Variants in XIRP2 observed in about 807,000 individuals in gnomAD.
XIRP2 encodes the protein xin actin-binding repeat-containing protein 2.
In XIRP2, 236 loss-of-function variants were observed where a neutral mutation model predicts 277.0. That is an observed-to-expected ratio of 0.85 (90% CI 0.77 to 0.95). The LOEUF (loss-of-function observed/expected upper bound fraction) is 0.95, where lower values mean the gene tolerates loss of function less well. Among genes scored for constraint, XIRP2 ranks in the 40% least tolerant of loss-of-function variants. XIRP2 has a pLI of 0.00. For missense variants in XIRP2, 4,640 were observed against 4,157.5 expected (o/e 1.12, Z -3.19); for synonymous variants, 1,490 against 1,416.5 (o/e 1.05, Z -1.17).
rs151275390 is a variant in XIRP2, at chr2:167,190,078, G to A, written c.563-20657G>A. Among the ~76,000 whole-genome samples the A allele has an allele frequency of 3.3e-5, 5 of 152,286 alleles. No homozygotes were observed. In the East Asian group the frequency reaches 9.6e-4, roughly 29 times the overall value. On this transcript the variant is annotated intron_variant, in intron 3 of 10. Transcript: ENST00000409195. ...ACAGACAGATGGAAGAGATGCATAG[G>A]GCAAGGTATGGCATTAAAGGGCAGA...
chr2:167,230,515 C>T (rs574167783), intron 5 of XIRP2, among the ~76,000 whole-genome samples: 1 of 152,094 alleles, frequency 6.6e-6, no homozygotes, highest in South Asian at 2.1e-4. Flanking sequence ...ATGCTAAGTA[C>T]CTCACAAATG....
intron 5 of XIRP2, among the ~76,000 whole-genome samples, chr2:167,231,534 A>C (rs1694754537): frequency 6.6e-6 from 1 of 151,908 alleles, no homozygotes; most frequent in African/African-American, 2.4e-5. Flanking sequence ...CAGTGTTCAT[A>C]AATAATATTT....
chr2:166,914,336 T>G (rs1188442877), intron 2 of XIRP2, among the ~76,000 whole-genome samples: 1 of 152,124 alleles, frequency 6.6e-6, no homozygotes, highest in Non-Finnish European at 1.5e-5. Context: ...GTGCCATATT[T>G]TTTTTGTTTT....
At chr2:167,067,225 G>A (rs1247324842) in intron 2 of XIRP2, among the ~76,000 whole-genome samples, 1 of 151,450 alleles carries the variant, frequency 6.6e-6, no homozygotes, top group Admixed American at 6.6e-5. Context: ...ATTTATTTTG[G>A]TATTTTTATA....
At chr2:167,080,216 T>C (rs1271521569) in intron 2 of XIRP2, among the ~76,000 whole-genome samples, 2 of 152,160 alleles carry the variant, frequency 1.3e-5, no homozygotes, top group African/African-American at 4.8e-5. Flanking sequence ...ATTTGACCAA[T>C]TTCTGAAGGA....
At chr2:167,051,293 C>T (rs986722077) in intron 2 of XIRP2, among the ~76,000 whole-genome samples, 9 of 152,078 alleles carry the variant, frequency 5.9e-5, no homozygotes, top group African/African-American at 2.2e-4. Flanking sequence ...TTACCATTTA[C>T]AGTGTGTCAC....
rs930140075 is a variant in XIRP2 at position 167,241,680 on chromosome 2, G to A, written c.1043-97G>A. The A allele has an allele frequency of 2.2e-6, 3 of 1,387,426 alleles. No homozygotes were observed. In the African/African-American group the frequency reaches 4.4e-5, roughly 20 times the overall value. 85.9% of individuals were successfully genotyped at this position (1,387,426 alleles called of 1,614,324 possible). A position where few individuals can be genotyped will look rare whatever the true frequency, so the allele number is the denominator to read the frequency against. ...GCACCTCAGTCTCCCAAAGTATTGGGATTACAGGAATGAGCCACCATGCCC... is the reference window on the plus strand; with the variant it reads ...GCACCTCAGTCTCCCAAAGTATTGGAATTACAGGAATGAGCCACCATGCCC... On this transcript the variant is annotated intron_variant, in intron 7 of 10. Transcript: ENST00000409195.
Position 167,249,808 on chromosome 2 carries a change from G to T in XIRP2, c.8416G>T (p.Glu2806Ter), listed in dbSNP as rs761183915. 4.3e-6 allele frequency: 7 copies of T among 1,613,244 alleles called. No homozygotes were observed. Among genetic ancestry groups the T allele is most frequent in the Non-Finnish European group, 5.9e-6 (7 of 1,179,726 alleles). Reference sequence around the variant, plus strand: ...CAAGATGGTTCCCAGGAAGCAAAGAGAATTTAGCGGATCTGACAGAGGGAA... The same window carrying T: ...CAAGATGGTTCCCAGGAAGCAAAGATAATTTAGCGGATCTGACAGAGGGAA... ...KLKMVPRKQR[E>*]FSGSDRGKLP... Residue 2806 changes from glutamate (E) to a stop codon, truncating the protein, a stop_gained, in exon 9 of 11, where the codon GAA becomes TAA. Coordinates refer to ENST00000409195, the MANE Select transcript of XIRP2 (RefSeq NM_152381.6). LOFTEE classifies it high-confidence loss of function.
At chr2:167,077,135 G>A (rs1180646453) in intron 2 of XIRP2, among the ~76,000 whole-genome samples, 2 of 152,024 alleles carry the variant, frequency 1.3e-5, no homozygotes, top group African/African-American at 2.4e-5. Flanking sequence ...TTACAGGCGT[G>A]AGCCACCACG....
At chr2:166,948,251 A>T (rs920370486) in intron 2 of XIRP2, among the ~76,000 whole-genome samples, 2 of 152,132 alleles carry the variant, frequency 1.3e-5, no homozygotes, top group Non-Finnish European at 2.9e-5. Flanking sequence ...GGGTTCATCT[A>T]TTATAACTAG....
Position 167,086,143 on chromosome 2 carries a change from G to C in XIRP2, c.409-49766G>C, listed in dbSNP as rs113900180. Reference sequence around the variant, plus strand: ...GCTCTTTTAGGGCTGGCCTGGTGGTGACAAAATCTCTCAGCATTTGCTTGT... The same window carrying C: ...GCTCTTTTAGGGCTGGCCTGGTGGTCACAAAATCTCTCAGCATTTGCTTGT... On this transcript the variant is annotated intron_variant, in intron 2 of 10. Transcript: ENST00000409195. Among the ~76,000 whole-genome samples the C allele has an allele frequency of 2.9e-3, 434 of 152,080 alleles. 1 individual carries two copies. Among genetic ancestry groups the C allele is most frequent in the African/African-American group, 1.0e-2 (414 of 41,486 alleles).
intron 3 of XIRP2, among the ~76,000 whole-genome samples, chr2:167,138,816 A>C (rs1691630509): frequency 6.6e-6 from 1 of 152,176 alleles, no homozygotes; most frequent in Non-Finnish European, 1.5e-5. Flanking sequence ...CTGTAATCCC[A>C]GCATTTTGGG....
chr2:167,169,991 T>C (rs1692637110), intron 3 of XIRP2, among the ~76,000 whole-genome samples: 1 of 152,172 alleles, frequency 6.6e-6, no homozygotes, highest in African/African-American at 2.4e-5. Flanking sequence ...CATCTCATTC[T>C]TAATATAGAA....
rs367613904 is a variant in XIRP2 at position 167,082,593 on chromosome 2, G to C, written c.409-53316G>C. Among the ~76,000 whole-genome samples, 101 of 152,204 alleles carry C rather than the reference G, an allele frequency of 6.6e-4. 1 individual carries two copies. Among genetic ancestry groups the C allele is most frequent in the African/African-American group, 2.3e-3 (94 of 41,536 alleles). On this transcript the variant is annotated intron_variant, in intron 2 of 10. Coordinates refer to ENST00000409195, the MANE Select transcript of XIRP2 (RefSeq NM_152381.6). ...TAAAAGTGTTCCTATTTCTCCACAT[G>C]CTCTCCAGCACCTATTGTTTCCTGA...
chr2:167,210,993 G>A, intron 4 of XIRP2, 98 bp downstream of exon 4: 2 of 1,434,908 alleles, frequency 1.4e-6, no homozygotes, highest in South Asian at 2.8e-5. Context: ...CTGGACAGGG[G>A]GCTAAAGTAG....
chr2:167,201,989 C>A (rs1263317449), intron 3 of XIRP2, among the ~76,000 whole-genome samples: 1 of 152,046 alleles, frequency 6.6e-6, no homozygotes, highest in African/African-American at 2.4e-5. Flanking sequence ...TGGGAATAAA[C>A]CACCCATCAT....
chr2:167,073,415 T>C (rs1689484389), intron 2 of XIRP2, among the ~76,000 whole-genome samples: 1 of 152,148 alleles, frequency 6.6e-6, no homozygotes, highest in South Asian at 2.1e-4. Flanking sequence ...TCATATAGCA[T>C]CGTTGTTTCT....
At chr2:166,929,432 T>G (rs1473459119) in intron 2 of XIRP2, among the ~76,000 whole-genome samples, 1 of 152,126 alleles carries the variant, frequency 6.6e-6, no homozygotes, top group Non-Finnish European at 1.5e-5. Flanking sequence ...CCAAGATACC[T>G]CTGAAGAACT....
intron 2 of XIRP2, among the ~76,000 whole-genome samples, chr2:167,021,240 C>T (rs1397803357): frequency 6.6e-6 from 1 of 152,010 alleles, no homozygotes. Context: ...TTGAATAAAT[C>T]GTCCCACTGC....
Sources: gnomAD v4.1 joint callset for allele counts (sites outside exome capture counted in the v4.1 genomes callset) on GRCh38, gnomAD v4.1.1 for gene constraint, MANE v1.5 for transcripts, NCBI Gene and HGNC (gene_info 2026-07-23, HGNC 2026-07-21) for gene names.